Variants in ZFAT observed in about 807,000 individuals in gnomAD.
The protein encoded by ZFAT is zinc finger and AT-hook domain containing.
In ZFAT, 64 loss-of-function variants were observed where a neutral mutation model predicts 117.7. The ratio of observed to expected loss-of-function variants is 0.54; its 90% CI spans 0.44 to 0.67. The LOEUF is 0.67. ZFAT is among the 30% of genes least tolerant of loss of function. The pLI is 0.00. For synonymous variants in ZFAT, 679 were observed against 615.0 expected (o/e 1.10, Z -1.54); for missense variants, 1,433 against 1,584.5 (o/e 0.90, Z 1.62).
At chr8:134,657,983 C>T (rs1424344949) in intron 1 of ZFAT, among the ~76,000 whole-genome samples, 2 of 152,138 alleles carry the variant, frequency 1.3e-5, no homozygotes, top group South Asian at 2.1e-4. Flanking sequence ...CTAATACAAA[C>T]CTTCTTGTTA....
At chr8:134,660,883 C>G (rs1406593823) in intron 1 of ZFAT, among the ~76,000 whole-genome samples, 4 of 152,256 alleles carry the variant, frequency 2.6e-5, no homozygotes, top group African/African-American at 9.6e-5. Context: ...TATTCCACAC[C>G]ACCTGAAGGC....
At chr8:134,529,601 A>T (rs1218450605) in intron 12 of ZFAT, among the ~76,000 whole-genome samples, 1 of 152,174 alleles carries the variant, frequency 6.6e-6, no homozygotes, top group East Asian at 1.9e-4. Context: ...GTACTGAGGG[A>T]TCAGTACATC....
At chr8:134,581,527 G>A (rs1825710272) in intron 10 of ZFAT, among the ~76,000 whole-genome samples, 1 of 152,202 alleles carries the variant, frequency 6.6e-6, no homozygotes, top group South Asian at 2.1e-4. Context: ...TGGCACTGAG[G>A]CAAGCTACCT....
the ZFAT span, among the ~76,000 whole-genome samples, chr8:134,807,393 C>T: frequency 2.0e-5 from 3 of 152,006 alleles, no homozygotes; most frequent in South Asian, 6.2e-4. Context: ...CATAAGAAAA[C>T]AATTAACAGG....
intron 3 of ZFAT, among the ~76,000 whole-genome samples, chr8:134,628,813 T>C (rs1447006666): frequency 6.6e-6 from 1 of 152,192 alleles, no homozygotes; most frequent in Admixed American, 6.5e-5. Flanking sequence ...ATAAAAACAG[T>C]AACTACCTCA....
At chr8:134,772,931 C>CA in the ZFAT span, among the ~76,000 whole-genome samples, 866 of 151,320 alleles carry the variant, frequency 5.7e-3, 14 homozygotes, top group African/African-American at 0.02. Context: ...AAAACAACAA[C>CA]AACAAAAAAA....
At chr8:134,782,513 A>T in the ZFAT span, among the ~76,000 whole-genome samples, 2 of 152,206 alleles carry the variant, frequency 1.3e-5, no homozygotes, top group Admixed American at 1.3e-4. Context: ...TGAAAATATT[A>T]ATTAAAATAA....
At chr8:134,798,400 G>T in the ZFAT span, 2 of 151,970 alleles carry the variant, frequency 1.3e-5, no homozygotes, top group Admixed American at 1.3e-4. Context: ...ATTTAAAACT[G>T]ATAAGCACAC....
chr8:134,499,733 T>C (rs1471971589), intron 15 of ZFAT, among the ~76,000 whole-genome samples: 2 of 152,230 alleles, frequency 1.3e-5, no homozygotes, highest in Non-Finnish European at 2.9e-5. Flanking sequence ...CTGACACTGC[T>C]GGCCGGGGGA....
intron 11 of ZFAT, among the ~76,000 whole-genome samples, chr8:134,538,332 C>A (rs912259169): frequency 1.5e-4 from 23 of 152,280 alleles, no homozygotes; most frequent in Middle Eastern, 6.8e-3. Context: ...CCAGTGTCCA[C>A]TGGACCTGGC....
the ZFAT span, among the ~76,000 whole-genome samples, chr8:134,768,327 G>C: frequency 2.6e-5 from 4 of 152,136 alleles, no homozygotes; most frequent in African/African-American, 9.7e-5. Flanking sequence ...ACTCTTATAA[G>C]ACAATTTACG....
chr8:134,584,077 T>TAC (rs1020368556), intron 9 of ZFAT, 72 bp from the exon 10 acceptor site: 2 of 1,417,420 alleles, frequency 1.4e-6, no homozygotes, highest in African/African-American at 2.9e-5. Context: ...TCTGAAGGAA[T>TAC]ATATATATCC....
chr8:134,690,107 G>C (rs1338676977), intron 1 of ZFAT, among the ~76,000 whole-genome samples: 1 of 152,096 alleles, frequency 6.6e-6, no homozygotes, highest in Non-Finnish European at 1.5e-5. Context: ...TCAAAGTTTG[G>C]ACTAGGCATG....
At chr8:134,688,420 G>A (rs745411279) in intron 1 of ZFAT, among the ~76,000 whole-genome samples, 3 of 152,146 alleles carry the variant, frequency 2.0e-5, no homozygotes, top group Non-Finnish European at 4.4e-5. Context: ...CAAAGACACA[G>A]GCAATTCAGA....
intron 1 of ZFAT, among the ~76,000 whole-genome samples, chr8:134,664,774 C>A (rs1040781762): frequency 6.6e-6 from 1 of 152,188 alleles, no homozygotes; most frequent in Non-Finnish European, 1.5e-5. Context: ...CTGAAATATT[C>A]TCATAATTAT....
At chr8:134,651,116 G>A (rs548692735) in intron 2 of ZFAT, among the ~76,000 whole-genome samples, 9 of 152,298 alleles carry the variant, frequency 5.9e-5, no homozygotes, top group Admixed American at 5.2e-4. Flanking sequence ...ATTGAAAAAA[G>A]TTTGACAGTC....
At chr8:134,639,073 TTATC>T (rs1481441643) in intron 2 of ZFAT, among the ~76,000 whole-genome samples, 1 of 152,170 alleles carries the variant, frequency 6.6e-6, no homozygotes, top group African/African-American at 2.4e-5. Flanking sequence ...ACCAGCCACT[TTATC>T]TACTGCTATT....
At position 134,601,951 on chromosome 8, in the gene ZFAT, G is replaced by A. The variant is rs772647516; in HGVS notation, c.1768C>T (p.Gln590Ter). ...AAAAAATCATCTGAAACCACCTCTT[G>A]AGAATGCAGGTCTGAGGAGGAGACC... ...TVVSSSDLHS[Q>*]EVVSDDFLLK... The change falls in exon 6 of 16, where the codon CAA (glutamine) becomes TAA (stop). Residue 590 changes from glutamine (Q) to a stop codon, truncating the protein, a stop_gained. Transcript: ENST00000377838. LOFTEE classifies it high-confidence loss of function. 3 of 1,614,068 alleles carry A rather than the reference G, an allele frequency of 1.9e-6. No individual in the cohort carries two copies. The highest frequency in any genetic ancestry group is 1.7e-6 in the Non-Finnish European group (2 of 1,180,040).
intron 11 of ZFAT, among the ~76,000 whole-genome samples, chr8:134,555,078 G>C (rs1823466991): frequency 6.6e-6 from 1 of 152,178 alleles, no homozygotes; most frequent in Non-Finnish European, 1.5e-5. Context: ...AGAATACAAA[G>C]CAAAATCAGC....
Sources: gnomAD v4.1 joint callset for allele counts (sites outside exome capture counted in the v4.1 genomes callset) on GRCh38, gnomAD v4.1.1 for gene constraint, MANE v1.5 for transcripts, NCBI Gene and HGNC (gene_info 2026-07-23, HGNC 2026-07-21) for gene names.